FNDC3A: variants seen among roughly 807,000 people sequenced by gnomAD.
FNDC3A encodes fibronectin type III domain containing 3A, also known as fibronectin type-III domain-containing protein 3A.
In FNDC3A, 32 loss-of-function variants were observed where a neutral mutation model predicts 148.9. That is an observed-to-expected ratio of 0.21 (90% CI 0.16 to 0.29). The LOEUF is 0.29. Among genes scored for constraint, FNDC3A ranks in the 10% least tolerant of loss-of-function variants. The pLI is 1.00. For synonymous variants in FNDC3A, 472 were observed against 473.6 expected (o/e 1.00, Z 0.04); for missense variants, 1,191 against 1,452.8 (o/e 0.82, Z 2.93).
At chr13:49,134,316 T>C (rs1234961963) in intron 5 of FNDC3A, among the ~76,000 whole-genome samples, 1 of 152,192 alleles carries the variant, frequency 6.6e-6, no homozygotes, top group African/African-American at 2.4e-5. Flanking sequence ...GACTTTTGTG[T>C]CTAGTTTTTT....
At chr13:49,123,982 A>G (rs779702330) in intron 4 of FNDC3A, among the ~76,000 whole-genome samples, 2 of 152,218 alleles carry the variant, frequency 1.3e-5, no homozygotes, top group African/African-American at 2.4e-5. Flanking sequence ...TGACCCAGCA[A>G]TCCCATTACT....
At chr13:49,012,290 T>A (rs1371188023) in intron 2 of FNDC3A, among the ~76,000 whole-genome samples, 12 of 152,060 alleles carry the variant, frequency 7.9e-5, no homozygotes, top group Non-Finnish European at 1.2e-4. Flanking sequence ...ATTTTTTGTA[T>A]TTTTAGTAGA....
At chr13:49,123,299 A>G (rs902145748) in intron 4 of FNDC3A, among the ~76,000 whole-genome samples, 2 of 152,218 alleles carry the variant, frequency 1.3e-5, no homozygotes, top group African/African-American at 2.4e-5. Flanking sequence ...AGCCACATGC[A>G]GAAAACTGAA....
chr13:49,022,873 G>C (rs1873431882), intron 2 of FNDC3A, among the ~76,000 whole-genome samples: 1 of 151,944 alleles, frequency 6.6e-6, no homozygotes. Flanking sequence ...AAAAATTCTA[G>C]TGCTATTACC....
At chr13:49,135,876 G>A (rs1882326377) in intron 5 of FNDC3A, among the ~76,000 whole-genome samples, 1 of 152,074 alleles carries the variant, frequency 6.6e-6, no homozygotes, top group Non-Finnish European at 1.5e-5. Flanking sequence ...TTTCAGTGAT[G>A]ATTGCTTTTT....
At chr13:49,067,059 G>A (rs191642366) in intron 2 of FNDC3A, among the ~76,000 whole-genome samples, 106 of 152,240 alleles carry the variant, frequency 7.0e-4, no homozygotes, top group African/African-American at 2.3e-3. Flanking sequence ...TAGACATGAC[G>A]AGATGGGTAA....
intron 2 of FNDC3A, among the ~76,000 whole-genome samples, chr13:49,038,084 G>C (rs973317028): frequency 6.6e-6 from 1 of 152,104 alleles, no homozygotes; most frequent in East Asian, 1.9e-4. Context: ...GCCATCCAGC[G>C]GCCGATCTCT....
intron 14 of FNDC3A, among the ~76,000 whole-genome samples, chr13:49,182,547 CTT>C (rs938262556): frequency 6.9e-6 from 1 of 144,800 alleles, no homozygotes. Context: ...ATTTTTTTTT[CTT>C]TTTTTTTTTC....
chr13:49,044,153 G>C (rs914101035), intron 2 of FNDC3A: 13 of 201,898 alleles, frequency 6.4e-5, no homozygotes, highest in Admixed American at 5.9e-4. Flanking sequence ...GCTGAGGCTG[G>C]TTGGCAGGTA....
At chr13:48,982,607 T>G (rs1951713241) in intron 1 of FNDC3A, among the ~76,000 whole-genome samples, 1 of 152,188 alleles carries the variant, frequency 6.6e-6, no homozygotes, top group Admixed American at 6.5e-5. Flanking sequence ...AAAACATGAA[T>G]TTATTCAGAT....
At chr13:49,159,433 G>GT (rs1426521590) in intron 8 of FNDC3A, among the ~76,000 whole-genome samples, 1 of 152,184 alleles carries the variant, frequency 6.6e-6, no homozygotes, top group Non-Finnish European at 1.5e-5. Context: ...TGTTATTGGT[G>GT]TATAGTAATG....
chr13:49,046,484 T>C (rs567616250), intron 2 of FNDC3A: 1 of 160,204 alleles, frequency 6.2e-6, no homozygotes, highest in Admixed American at 6.5e-5. Context: ...ATACCCTGTT[T>C]GGGTTGCCTT....
intron 4 of FNDC3A, among the ~76,000 whole-genome samples, chr13:49,124,700 A>C (rs985818714): frequency 6.6e-6 from 1 of 152,172 alleles, no homozygotes; most frequent in African/African-American, 2.4e-5. Flanking sequence ...GGTGTACTGC[A>C]CAGAGGCAGA....
At chr13:49,164,692 T>C (rs951795516) in intron 8 of FNDC3A, among the ~76,000 whole-genome samples, 3 of 152,086 alleles carry the variant, frequency 2.0e-5, no homozygotes, top group East Asian at 1.9e-4. Context: ...CACTGCAACC[T>C]CCACCTCCCA....
Position 49,107,142 on chromosome 13 carries a change from AT to A in FNDC3A, c.176-7509del, listed in dbSNP as rs533032612. Among the ~76,000 whole-genome samples, 9 of 152,278 alleles carry A rather than the reference AT, an allele frequency of 5.9e-5. No homozygotes were observed. The East Asian group carries it at 1.7e-3, about 29-fold the overall frequency. ...AACAGTCACTTTAATGACTTGCACT[AT>A]TTTCTTTTGTATGTATCAAATATTG... On this transcript the variant is annotated intron_variant, in intron 3 of 25. Coordinates refer to ENST00000492622, the MANE Select transcript of FNDC3A (RefSeq NM_001079673.2).
intron 3 of FNDC3A, among the ~76,000 whole-genome samples, chr13:49,085,681 T>C (rs1878761029): frequency 1.3e-5 from 2 of 152,132 alleles, no homozygotes; most frequent in African/African-American, 2.4e-5. Flanking sequence ...AATAAAACTT[T>C]AAAGAAGTAA....
At position 48,976,176 on chromosome 13, in the gene FNDC3A, A is replaced by C. The variant is rs1462086035; in HGVS notation, c.-41A>C. 2 of 152,218 alleles carry C rather than the reference A, an allele frequency of 1.3e-5. No individual in the cohort carries two copies. Among genetic ancestry groups the C allele is most frequent in the South Asian group, 2.1e-4 (1 of 4,836 alleles). 9.4% of individuals were successfully genotyped at this position (152,218 alleles called of 1,614,324 possible). ...TCTGCCTCAGAACGGCGTGACTCGG[A>C]GGTGAGAGCGCGGGCACTCCCTCCG... On this transcript the variant is annotated splice_region_variant and 5_prime_UTR_variant, in exon 1 of 26. Transcript: ENST00000492622.
At chr13:49,199,988 ACAGT>A (rs1307868700) in intron 23 of FNDC3A, among the ~76,000 whole-genome samples, 1 of 152,212 alleles carries the variant, frequency 6.6e-6, no homozygotes, top group Non-Finnish European at 1.5e-5. Flanking sequence ...AATATTTGTA[ACAGT>A]CATTCTAATG....
At chr13:49,170,995 A>C (rs181995140) in intron 10 of FNDC3A, among the ~76,000 whole-genome samples, 77 of 152,172 alleles carry the variant, frequency 5.1e-4, no homozygotes, top group Non-Finnish European at 9.4e-4. Flanking sequence ...CTCTCTTTGG[A>C]TTCTCTTCCT....
Sources: allele counts gnomAD v4.1 joint callset (sites outside exome capture counted in the v4.1 genomes callset), GRCh38; gene constraint gnomAD v4.1.1; transcripts MANE v1.5; gene names NCBI Gene and HGNC (gene_info 2026-07-23, HGNC 2026-07-21).